HIRA: variants seen among roughly 807,000 people sequenced by gnomAD.
HIRA encodes the protein histone cell cycle regulator, also known as protein HIRA.
HIRA carries 13 observed loss-of-function variants against 126.6 expected under a neutral mutation model. The observed-to-expected ratio is 0.10, with a 90% CI of 0.07 to 0.16. HIRA has a LOEUF of 0.16. HIRA is among the 10% of genes least tolerant of loss of function. The probability of loss-of-function intolerance (pLI) is 1.00; values close to 1 mark genes in which losing one functional copy is unlikely to be tolerated. For synonymous variants in HIRA, 511 were observed against 520.0 expected (o/e 0.98, Z 0.24); for missense variants, 834 against 1,314.4 (o/e 0.63, Z 5.65).
Position 19,353,859 on chromosome 22 carries a change from C to T in HIRA, c.2684+137G>A. ...CCCCTAGTCCGTCCTGCCCAGCCTG[C>T]CTGTGCTGACCAGCACCTGGGGCAC... On this transcript the variant is annotated intron_variant, in intron 22 of 24. Transcript: ENST00000263208. 4 of 1,087,880 alleles carry T rather than the reference C, an allele frequency of 3.7e-6. 1 individual carries two copies. In the South Asian group the frequency reaches 4.9e-5, roughly 13 times the overall value. 67.4% of individuals were successfully genotyped at this position (1,087,880 alleles called of 1,614,324 possible). A position where few individuals can be genotyped will look rare whatever the true frequency, so the allele number is the denominator to read the frequency against.
At chr22:19,358,320 A>G (rs1404324685) in intron 18 of HIRA, among the ~76,000 whole-genome samples, 1 of 152,320 alleles carries the variant, frequency 6.6e-6, no homozygotes, top group Non-Finnish European at 1.5e-5. Context: ...ACTGGGGAAC[A>G]GGTCTGCAGG....
chr22:19,346,472 C>A (rs2088687910), intron 24 of HIRA, among the ~76,000 whole-genome samples: 1 of 152,238 alleles, frequency 6.6e-6, no homozygotes, highest in South Asian at 2.1e-4. Context: ...AAAAAAGGAA[C>A]AAATTCAGAA....
chr22:19,387,909 T>G, intron 10 of HIRA, 93 bp from the exon 11 acceptor site: 1 of 546,820 alleles, frequency 1.8e-6, no homozygotes, highest in East Asian at 5.9e-5. Flanking sequence ...TGGGCAGTGT[T>G]CTAGGGAGAT....
intron 18 of HIRA, among the ~76,000 whole-genome samples, chr22:19,357,869 C>T (rs1601814829): frequency 1.3e-5 from 2 of 152,216 alleles, no homozygotes; most frequent in East Asian, 3.8e-4. Flanking sequence ...TAATGAGCCA[C>T]TATTGCTACT....
chr22:19,341,047 G>A (rs2088622094), intron 24 of HIRA, among the ~76,000 whole-genome samples: 1 of 152,192 alleles, frequency 6.6e-6, no homozygotes, highest in South Asian at 2.1e-4. Context: ...AGGGTGTGGT[G>A]GCTCACGCCT....
intron 1 of HIRA, among the ~76,000 whole-genome samples, chr22:19,414,673 A>G (rs947017380): frequency 2.6e-5 from 4 of 152,366 alleles, no homozygotes; most frequent in African/African-American, 7.2e-5. Context: ...TAGAATTAAA[A>G]ATAAGAAAAT....
At chr22:19,348,784 C>G (rs2146183397) in intron 24 of HIRA, among the ~76,000 whole-genome samples, 1 of 152,054 alleles carries the variant, frequency 6.6e-6, no homozygotes, top group East Asian at 1.9e-4. Context: ...AGTGAGCCAC[C>G]ACGCTTGGCC....
chr22:19,373,851 G>C (rs893978847), intron 15 of HIRA, among the ~76,000 whole-genome samples: 1 of 147,972 alleles, frequency 6.8e-6, no homozygotes, highest in Non-Finnish European at 1.5e-5. Context: ...GTCTCAAGTC[G>C]ATGTGGTCAT....
chr22:19,372,673 G>A (rs1427962537), intron 15 of HIRA, among the ~76,000 whole-genome samples: 2 of 151,170 alleles, frequency 1.3e-5, no homozygotes, highest in Non-Finnish European at 2.9e-5. Flanking sequence ...CCGAGTTTAA[G>A]TGATTCTCTT....
intron 24 of HIRA, among the ~76,000 whole-genome samples, chr22:19,337,104 C>CTT (rs1157049673): frequency 1.3e-5 from 2 of 148,426 alleles, no homozygotes; most frequent in South Asian, 2.1e-4. Flanking sequence ...TTTTCTTTTT[C>CTT]TTTTTTTTTT....
chr22:19,404,139 T>G (rs982682649), intron 5 of HIRA, among the ~76,000 whole-genome samples: 3 of 152,198 alleles, frequency 2.0e-5, no homozygotes, highest in African/African-American at 7.2e-5. Flanking sequence ...TTTCTCACAC[T>G]TTGCTTTTCA....
At chr22:19,399,356 T>G (rs1474258076) in intron 5 of HIRA, among the ~76,000 whole-genome samples, 1 of 150,422 alleles carries the variant, frequency 6.6e-6, no homozygotes, top group Non-Finnish European at 1.5e-5. Flanking sequence ...TTAACAGGTT[T>G]TTTTTTTTTT....
At chr22:19,362,459 A>C (rs2088873049) in intron 15 of HIRA, among the ~76,000 whole-genome samples, 1 of 152,232 alleles carries the variant, frequency 6.6e-6, no homozygotes, top group Non-Finnish European at 1.5e-5. Context: ...AAGTAGAGTT[A>C]GGTTATAAAT....
chr22:19,368,803 G>A (rs1206537135), intron 15 of HIRA, among the ~76,000 whole-genome samples: 2 of 152,134 alleles, frequency 1.3e-5, no homozygotes, highest in African/African-American at 2.4e-5. Flanking sequence ...GGCTTCCTGA[G>A]CTCACCACAG....
intron 9 of HIRA, among the ~76,000 whole-genome samples, chr22:19,388,772 G>A (rs2089150469): frequency 6.6e-6 from 1 of 152,228 alleles, no homozygotes; most frequent in African/African-American, 2.4e-5. Flanking sequence ...CCTGCCTCCA[G>A]GGCTTGCTGT....
intron 2 of HIRA, among the ~76,000 whole-genome samples, chr22:19,410,480 T>G (rs948054310): frequency 6.6e-6 from 1 of 152,212 alleles, no homozygotes; most frequent in Non-Finnish European, 1.5e-5. Context: ...ATTAACTCAA[T>G]AAACAGAAAT....
chr22:19,391,776 A>G (rs1394646734), intron 9 of HIRA, among the ~76,000 whole-genome samples: 1 of 152,168 alleles, frequency 6.6e-6, no homozygotes, highest in Non-Finnish European at 1.5e-5. Flanking sequence ...CACCGCGCCC[A>G]GCCATATAAA....
chr22:19,379,962 C>G (rs1402069899), intron 13 of HIRA, among the ~76,000 whole-genome samples: 5 of 152,030 alleles, frequency 3.3e-5, no homozygotes, highest in Admixed American at 2.6e-4. Flanking sequence ...GGGCGTGCCA[C>G]CACGCCCAGC....
chr22:19,393,381 G>A (rs1040999349), intron 8 of HIRA, among the ~76,000 whole-genome samples: 4 of 151,586 alleles, frequency 2.6e-5, no homozygotes, highest in East Asian at 1.9e-4. Flanking sequence ...TTTTTGAGAC[G>A]GAGTCTCGCT....
Sources: gnomAD v4.1 joint callset for allele counts (sites outside exome capture counted in the v4.1 genomes callset) on GRCh38, gnomAD v4.1.1 for gene constraint, MANE v1.5 for transcripts, NCBI Gene and HGNC (gene_info 2026-07-23, HGNC 2026-07-21) for gene names.